The following OPRM1 variants were observed in gnomAD, a reference collection of about 807,000 sequenced individuals.
OPRM1 encodes the protein mu-type opioid receptor.
OPRM1 carries 27 observed loss-of-function variants against 31.8 expected under a neutral mutation model. That is an observed-to-expected ratio of 0.85 (90% CI 0.63 to 1.17). OPRM1 has a LOEUF of 1.17. Among genes scored for constraint, OPRM1 ranks in the 50% most tolerant of loss-of-function variants. OPRM1 has a pLI of 0.00. For missense variants in OPRM1, 536 were observed against 511.1 expected (o/e 1.05, Z -0.47); for synonymous variants, 196 against 189.9 (o/e 1.03, Z -0.26).
chr6:154,037,515 C>T (rs1400240196), upstream of OPRM1, among the ~76,000 whole-genome samples: 1 of 151,976 alleles, frequency 6.6e-6, no homozygotes, highest in Non-Finnish European at 1.5e-5. Context: ...GATAGACAAA[C>T]TATAATGAGA....
At chr6:154,086,055 C>A (rs956490319) in intron 1 of OPRM1, among the ~76,000 whole-genome samples, 27 of 152,178 alleles carry the variant, frequency 1.8e-4, no homozygotes, top group Admixed American at 1.4e-3. Context: ...CCAGGCTGGT[C>A]TCCTTCCCCT....
chr6:154,087,020 G>A (rs1790749233), intron 1 of OPRM1: 30 of 983,064 alleles, frequency 3.1e-5, no homozygotes, highest in Non-Finnish European at 3.5e-5. Flanking sequence ...TTTTATATTT[G>A]CCATATTTAA....
intron 2 of OPRM1, 27 bp from the exon 3 acceptor site, chr6:154,090,924 AT>A: frequency 6.3e-7 from 1 of 1,588,768 alleles, no homozygotes; most frequent in Non-Finnish European, 8.6e-7. Flanking sequence ...GTTGCTGCTA[AT>A]TTTTCCTTTA....
At position 154,125,592 on chromosome 6, in the gene OPRM1, AG is replaced by A. The variant is rs1231241667; in HGVS notation, c.*6872del. On this transcript the variant is annotated 3_prime_UTR_variant, in exon 4 of 4. Coordinates refer to ENST00000330432, the MANE Select transcript of OPRM1 (RefSeq NM_000914.5). ...CACATGCACTGTAATAGGAATGTTTAGCAAAAAAAACCTTCCAGAGAAAGGT... is the reference window on the plus strand; with the variant it reads ...CACATGCACTGTAATAGGAATGTTTACAAAAAAAACCTTCCAGAGAAAGGT... Among the ~76,000 whole-genome samples the A allele has an allele frequency of 2.0e-5, 3 of 152,198 alleles. No individual in the cohort carries two copies. Among genetic ancestry groups the A allele is most frequent in the African/African-American group, 7.2e-5 (3 of 41,452 alleles).
intron 1 of OPRM1, among the ~76,000 whole-genome samples, chr6:154,023,000 GTTC>G (rs1778468375): frequency 6.7e-6 from 1 of 149,766 alleles, no homozygotes; most frequent in Non-Finnish European, 1.5e-5. Context: ...TTCCAGTTTT[GTTC>G]TTCTTGCTCG....
intron 3 of OPRM1, among the ~76,000 whole-genome samples, chr6:154,095,877 C>T (rs940524751): frequency 7.2e-5 from 11 of 152,152 alleles, no homozygotes; most frequent in African/African-American, 2.7e-4. Context: ...ACGCCCTACA[C>T]TGCTGTTGTC....
chr6:154,135,266 C>G (rs953314497), downstream of OPRM1, among the ~76,000 whole-genome samples: 9 of 152,080 alleles, frequency 5.9e-5, no homozygotes, highest in African/African-American at 2.2e-4. Flanking sequence ...GTCCGGAGTT[C>G]AAGACCAGCC....
In OPRM1 at chr6:154,130,620, A is replaced by G. The variant is rs982010618; in HGVS notation, c.*11899A>G. ...ATCAATTTAATAGGAATTAAGTTAG[A>G]AATACTAGTATATATATTCCCTTTA... On this transcript the variant is annotated 3_prime_UTR_variant, in exon 4 of 4. Coordinates refer to ENST00000330432, the MANE Select transcript of OPRM1 (RefSeq NM_000914.5). Among the ~76,000 whole-genome samples the G allele has an allele frequency of 2.0e-5, 3 of 152,162 alleles. No homozygotes were observed. The highest frequency in any genetic ancestry group is 7.2e-5 in the African/African-American group (3 of 41,432).
At chr6:154,221,177 A>G in intron 3 of OPRM1, 8 of 984,580 alleles carry the variant, frequency 8.1e-6, no homozygotes, top group South Asian at 1.4e-5. Context: ...TGATATGGAC[A>G]TATGATTAGA....
At chr6:154,147,773 T>C (rs1798396361) in intron 3 of OPRM1, among the ~76,000 whole-genome samples, 1 of 152,190 alleles carries the variant, frequency 6.6e-6, no homozygotes, top group African/African-American at 2.4e-5. Flanking sequence ...CAGCATCCTC[T>C]GGCAGGAGCA....
chr6:154,183,102 C>T (rs1801039821), intron 3 of OPRM1, among the ~76,000 whole-genome samples: 2 of 152,072 alleles, frequency 1.3e-5, no homozygotes, highest in Non-Finnish European at 2.9e-5. Context: ...GCCTCAGCTT[C>T]CCCAGTAGCT....
chr6:154,225,443 G>A (rs182723844), intron 3 of OPRM1, among the ~76,000 whole-genome samples: 8 of 152,304 alleles, frequency 5.3e-5, no homozygotes, highest in South Asian at 4.1e-4. Context: ...TACATGCTAC[G>A]TGGATGAATC....
intron 1 of OPRM1, among the ~76,000 whole-genome samples, chr6:154,077,633 A>C (rs931132399): frequency 3.3e-5 from 5 of 151,868 alleles, no homozygotes; most frequent in African/African-American, 1.2e-4. Context: ...TGGGAGGCTG[A>C]GGCAGGAGAA....
chr6:154,124,573 C>T lies in OPRM1; in HGVS notation c.*5852C>T, dbSNP rs1797478947. ...CCTCCTGTGACACATGGGGTGAGCC[C>T]TTCCTTTTTGTCTCAATCTCAAAAA... On this transcript the variant is annotated 3_prime_UTR_variant, in exon 4 of 4. Transcript: ENST00000330432. Among the ~76,000 whole-genome samples, 1 of 152,162 alleles carries T rather than the reference C, an allele frequency of 6.6e-6. No homozygotes were observed.
At chr6:154,084,025 C>CT (rs996971407) in intron 1 of OPRM1, among the ~76,000 whole-genome samples, 2 of 150,840 alleles carry the variant, frequency 1.3e-5, no homozygotes, top group Non-Finnish European at 3.0e-5. Context: ...GAAACGGCCA[C>CT]TTGCCCTCTG....
intron 3 of OPRM1, among the ~76,000 whole-genome samples, chr6:154,244,358 TC>T (rs1303371201): frequency 6.6e-6 from 1 of 151,034 alleles, no homozygotes; most frequent in Non-Finnish European, 1.5e-5. Flanking sequence ...GAGGGAGAAT[TC>T]CCCTACATAC....
chr6:154,154,899 A>G (rs1798650455), intron 3 of OPRM1: 1 of 152,526 alleles, frequency 6.6e-6, no homozygotes, highest in African/African-American at 2.4e-5. Flanking sequence ...GCAGTGCTAA[A>G]AGTCACATTC....
At chr6:154,028,676 A>G (rs1413927227) in intron 1 of OPRM1, among the ~76,000 whole-genome samples, 4 of 152,124 alleles carry the variant, frequency 2.6e-5, no homozygotes, top group Non-Finnish European at 5.9e-5. Context: ...GCTGGGTTAA[A>G]TGCTCCCTCC....
chr6:154,172,371 T>C (rs559108188), intron 3 of OPRM1, among the ~76,000 whole-genome samples: 10 of 152,312 alleles, frequency 6.6e-5, no homozygotes, highest in Admixed American at 5.9e-4. Flanking sequence ...GGTCGGGGGA[T>C]TTCCCTTTCC....
Sources: gnomAD v4.1 joint callset for allele counts (sites outside exome capture counted in the v4.1 genomes callset) on GRCh38, gnomAD v4.1.1 for gene constraint, MANE v1.5 for transcripts, NCBI Gene and HGNC (gene_info 2026-07-23, HGNC 2026-07-21) for gene names.